Variants in GPM6B observed in about 807,000 individuals in gnomAD.
GPM6B encodes neuronal membrane glycoprotein M6-b.
Under a neutral mutation model 27.2 loss-of-function variants are expected in GPM6B, and 4 were observed. The ratio of observed to expected loss-of-function variants is 0.15; its 90% CI spans 0.07 to 0.34. GPM6B has a LOEUF of 0.34. GPM6B is among the 10% of genes least tolerant of loss of function. GPM6B has a pLI of 1.00. For synonymous variants in GPM6B, 124 were observed against 103.1 expected, an observed-to-expected ratio of 1.20 and a Z score of -1.23; for missense variants, 183 against 261.9, an observed-to-expected ratio of 0.70 and a Z score of 2.08.
intron 2 of GPM6B, among the ~76,000 whole-genome samples, chrX:13,806,885 C>T (rs768369168): frequency 8.9e-6 from 1 of 112,135 alleles, no homozygotes; most frequent in South Asian, 3.7e-4. Flanking sequence ...TGGTTGTACA[C>T]TGGCAAAATC....
rs1000749147 is a variant in GPM6B at position 13,935,160 on chromosome X, T to C, written c.-198+3167A>G. On this transcript the variant is annotated intron_variant, in intron 1 of 6. Coordinates refer to the GPM6B transcript ENST00000398361. Reference sequence around the variant, plus strand: ...AAATGGGTTGAAACAATTATTTCAATATTTTGTTGTATCTGATCATTTCGT... The same window carrying C: ...AAATGGGTTGAAACAATTATTTCAACATTTTGTTGTATCTGATCATTTCGT... Among the ~76,000 whole-genome samples the C allele has an allele frequency of 3.6e-5, 4 of 111,262 alleles. No individual in the cohort carries two copies. In the Admixed American group the frequency reaches 3.8e-4, roughly 11 times the overall value.
intron 1 of GPM6B, among the ~76,000 whole-genome samples, chrX:13,931,729 T>C (rs1477568122): frequency 1.8e-5 from 2 of 111,570 alleles, no homozygotes; most frequent in African/African-American, 6.5e-5. Context: ...CCATTTGTAA[T>C]CAACTAAAAT....
At chrX:13,906,587 T>A (rs6629409) in intron 1 of GPM6B, among the ~76,000 whole-genome samples, 15,298 of 111,983 alleles carry the variant, frequency 0.14, 801 homozygotes, top group Admixed American at 0.19. Flanking sequence ...GTACTCTATA[T>A]CACTCATGTT....
chrX:13,796,166 C>G (rs777392722), intron 2 of GPM6B, among the ~76,000 whole-genome samples: 1 of 111,537 alleles, frequency 9.0e-6, no homozygotes, highest in South Asian at 3.8e-4. Flanking sequence ...CTCAGGTGAT[C>G]CGCCCACCTC....
intron 1 of GPM6B, among the ~76,000 whole-genome samples, chrX:13,916,664 T>TGC (rs1491434677): frequency 1.1e-4 from 1 of 9,410 alleles, no homozygotes; most frequent in Non-Finnish European, 2.8e-4. Context: ...AGTTTATTAA[T>TGC]GTGTGTGTGT....
Position 13,816,898 on chromosome X carries a change from G to A in GPM6B, c.7C>T (p.Pro3Ser). The stretch of plus-strand genomic sequence containing the variant: ...TCCTCGGCTGCAGTTTCCATGGCTG[G>A]CTTCATACCATCCACCAAAAATGCT... MKPAMETAAEENT... is the reference protein window; with the variant it reads MKSAMETAAEENT... The change falls in exon 1 of 8, where the codon CCA becomes TCA. Residue 3 changes from proline (P) to serine (S), a missense_variant. Transcript: ENST00000316715. 8.3e-7 allele frequency: 1 copy of A among 1,199,609 alleles called. No homozygotes were observed. Among genetic ancestry groups the A allele is most frequent in the African/African-American group, 1.8e-5 (1 of 56,829 alleles).
intron 1 of GPM6B, among the ~76,000 whole-genome samples, chrX:13,906,107 G>C (rs1474860726): frequency 8.9e-6 from 1 of 112,128 alleles, no homozygotes; most frequent in East Asian, 2.8e-4. Context: ...TAAAGTGAAG[G>C]CTTCTTCTTT....
At chrX:13,911,636 C>A (rs1047886692) in intron 1 of GPM6B, among the ~76,000 whole-genome samples, 4 of 112,181 alleles carry the variant, frequency 3.6e-5, no homozygotes, top group Non-Finnish European at 7.5e-5. Flanking sequence ...ACTTTTCAAA[C>A]TAAATTTACT....
At chrX:13,798,590 A>G (rs2048859440) in intron 2 of GPM6B, among the ~76,000 whole-genome samples, 1 of 112,798 alleles carries the variant, frequency 8.9e-6, no homozygotes, top group Non-Finnish European at 1.9e-5. Context: ...GTGCCTTTTA[A>G]AAGAGTGAGT....
rs4518799 is a variant in GPM6B, at chrX:13,808,751, G to A, written c.62-982C>T. 5.7e-3 allele frequency among the ~76,000 whole-genome samples: 639 copies of A among 111,472 alleles called. 9 individuals are homozygous for A. The highest frequency in any genetic ancestry group is 0.019 in the African/African-American group (591 of 30,612). On this transcript the variant is annotated intron_variant, in intron 1 of 7. Transcript: ENST00000316715. ...CATAATGCACCATCTGGCAGCTCAG[G>A]TCTCTGAGGAGAAGAACCTACTAAA...
rs139070157 is a variant in GPM6B, at chrX:13,841,727, C to T, written c.-197-55919G>A. Among the ~76,000 whole-genome samples the T allele has an allele frequency of 5.1e-3, 567 of 111,488 alleles. 11 individuals are homozygous for T. The highest frequency in any genetic ancestry group is 0.017 in the African/African-American group (526 of 30,584). On this transcript the variant is annotated intron_variant, in intron 1 of 6. Transcript: ENST00000398361. ...AAATCACAGGCCAAGGCTTATCTGTCCAGAACTAACACTTTCATGGAGTTG... is the reference window on the plus strand; with the variant it reads ...AAATCACAGGCCAAGGCTTATCTGTTCAGAACTAACACTTTCATGGAGTTG...
intron 1 of GPM6B, among the ~76,000 whole-genome samples, chrX:13,885,833 C>T (rs1264634204): frequency 9.0e-6 from 1 of 111,650 alleles, no homozygotes; most frequent in Non-Finnish European, 1.9e-5. Context: ...GCAAAGGGTG[C>T]GTGCCAGGGA....
chrX:13,913,137 C>CCTGT (rs754297621), intron 1 of GPM6B, among the ~76,000 whole-genome samples: 1 of 111,367 alleles, frequency 9.0e-6, no homozygotes, highest in Non-Finnish European at 1.9e-5. Flanking sequence ...CCCAGTCTTC[C>CCTGT]CTGTCTGTCT....
chrX:13,865,213 A>G (rs974452239), intron 1 of GPM6B, among the ~76,000 whole-genome samples: 2 of 110,527 alleles, frequency 1.8e-5, no homozygotes, highest in Non-Finnish European at 3.8e-5. Context: ...ACAACTTGGA[A>G]AAGTCACCCA....
At chrX:13,833,922 T>C (rs1383943870) in intron 1 of GPM6B, among the ~76,000 whole-genome samples, 1 of 112,501 alleles carries the variant, frequency 8.9e-6, no homozygotes, top group Non-Finnish European at 1.9e-5. Context: ...GCCATGAAGG[T>C]GACAATGTCA....
intron 1 of GPM6B, among the ~76,000 whole-genome samples, chrX:13,830,324 G>C (rs1188360810): frequency 2.7e-5 from 3 of 112,109 alleles, no homozygotes; most frequent in African/African-American, 9.7e-5. Flanking sequence ...GAAGGTACTG[G>C]AGTTCTAAGA....
intron 7 of GPM6B, chrX:13,773,887 C>T (rs1175573541): frequency 1.8e-6 from 1 of 559,321 alleles, no homozygotes; most frequent in African/African-American, 2.6e-5. Context: ...TTTAAGGTTA[C>T]CAATTTTGTG....
At chrX:13,930,369 C>T (rs1410755324) in intron 1 of GPM6B, among the ~76,000 whole-genome samples, 1 of 111,523 alleles carries the variant, frequency 9.0e-6, no homozygotes, top group African/African-American at 3.3e-5. Flanking sequence ...AATCCCAGCA[C>T]TTTGGGAGGC....
chrX:13,791,189 T>A (rs1251631026), intron 2 of GPM6B, among the ~76,000 whole-genome samples: 6 of 110,502 alleles, frequency 5.4e-5, no homozygotes, highest in African/African-American at 2.0e-4. Context: ...TGTAAAAAAA[T>A]AATAATCAAT....
Sources: gnomAD v4.1 joint callset for allele counts (sites outside exome capture counted in the v4.1 genomes callset) on GRCh38, gnomAD v4.1.1 for gene constraint, MANE v1.5 for transcripts, NCBI Gene and HGNC (gene_info 2026-07-23, HGNC 2026-07-21) for gene names.